FRRS1: variants seen among roughly 807,000 people sequenced by gnomAD.
FRRS1 encodes ferric reductase 1.
FRRS1 carries 51 observed loss-of-function variants against 70.7 expected under a neutral mutation model. The ratio of observed to expected loss-of-function variants is 0.72; its 90% CI spans 0.58 to 0.91. The LOEUF (loss-of-function observed/expected upper bound fraction) is 0.91, where lower values mean the gene tolerates loss of function less well. Among genes scored for constraint, FRRS1 ranks in the 40% least tolerant of loss-of-function variants. The pLI is 0.00. For synonymous variants in FRRS1, 225 were observed against 238.7 expected, an observed-to-expected ratio of 0.94 and a Z score of 0.53; for missense variants, 672 against 726.0, an observed-to-expected ratio of 0.93 and a Z score of 0.86.
intron 1 of FRRS1, among the ~76,000 whole-genome samples, chr1:99,755,354 G>A (rs1656779883): frequency 6.6e-6 from 1 of 151,952 alleles, no homozygotes; most frequent in African/African-American, 2.4e-5. Flanking sequence ...TTGAATCCAA[G>A]AGGTCAAAGC....
chr1:99,764,343 G>A (rs951110973), intron 1 of FRRS1, among the ~76,000 whole-genome samples: 1 of 152,138 alleles, frequency 6.6e-6, no homozygotes, highest in South Asian at 2.1e-4. Flanking sequence ...TTTCAGGATG[G>A]GAAGAGTGGG....
chr1:99,710,719 G>T, intron 15 of FRRS1, 87 bp downstream of exon 15: 1 of 1,151,784 alleles, frequency 8.7e-7, no homozygotes, highest in Middle Eastern at 2.0e-4. Flanking sequence ...CAATGTAGCA[G>T]TCAGCCATTA....
chr1:99,709,488 C>A (rs1212131630), intron 15 of FRRS1, among the ~76,000 whole-genome samples: 1 of 152,168 alleles, frequency 6.6e-6, no homozygotes, highest in Non-Finnish European at 1.5e-5. Context: ...TTCTTCTAGT[C>A]ATTAAACACC....
Position 99,717,502 on chromosome 1 carries a change from T to C in FRRS1, c.1144A>G (p.Met382Val). 1 of 1,613,654 alleles carries C rather than the reference T, an allele frequency of 6.2e-7. No homozygotes were observed. The highest frequency in any genetic ancestry group is 8.5e-7 in the Non-Finnish European group (1 of 1,179,622). Reference protein sequence around the residue: ...VHGALMFVAWMTTVSIGVLVA... With the variant: ...VHGALMFVAWVTTVSIGVLVA... ...AGTACACCTATGCTAACAGTAGTCA[T>C]CCATGCCACAAACATTAAGGCACCT... The change falls in exon 11 of 17, where the codon ATG becomes GTG. Residue 382 changes from methionine (M) to valine (V), a missense_variant. Met to Val is a conservative substitution (Grantham distance 21). Transcript: ENST00000646001.
chr1:99,730,050 A>G (rs1655270661), intron 7 of FRRS1, among the ~76,000 whole-genome samples: 1 of 152,214 alleles, frequency 6.6e-6, no homozygotes, highest in Non-Finnish European at 1.5e-5. Flanking sequence ...TAATATTTTC[A>G]TGTATATTCA....
rs777723865 is a variant in FRRS1, at chr1:99,715,645, T to C, written c.1264A>G (p.Thr422Ala). 5 of 1,613,430 alleles carry C rather than the reference T, an allele frequency of 3.1e-6. No homozygotes were observed. Among genetic ancestry groups the C allele is most frequent in the Non-Finnish European group, 3.4e-6 (4 of 1,179,420 alleles). ...QVHRMLMFTTTVLTCIAFVMP... is the reference protein window; with the variant it reads ...QVHRMLMFTTAVLTCIAFVMP... ...ACAAAAGCAATGCAGGTGAGGACAG[T>C]TGTGGTGAACATGAGCATCCGATGC... The change falls in exon 12 of 17, where the codon ACT becomes GCT. Residue 422 changes from threonine (T) to alanine (A), a missense_variant. By Grantham distance (58) the Thr-to-Ala change is moderately conservative. Transcript: ENST00000646001.
intron 1 of FRRS1, among the ~76,000 whole-genome samples, chr1:99,758,194 T>G (rs1656936778): frequency 6.6e-6 from 1 of 152,270 alleles, no homozygotes. Context: ...CCTGTGGAGA[T>G]ATCTAACCTT....
chr1:99,741,277 A>C (rs1655949061), intron 5 of FRRS1, among the ~76,000 whole-genome samples: 1 of 152,238 alleles, frequency 6.6e-6, no homozygotes, highest in Admixed American at 6.5e-5. Flanking sequence ...TTCAGAGTGC[A>C]GTATTCAATT....
chr1:99,747,663 A>G (rs1461082846), intron 3 of FRRS1: 12 of 445,108 alleles, frequency 2.7e-5, no homozygotes, highest in Non-Finnish European at 4.4e-5. Context: ...AGAGAAAAGA[A>G]AAATAGGTGA....
In FRRS1 at chr1:99,708,654, A is replaced by G. The variant is rs11166305; in HGVS notation, c.*374T>C. 7,631 of 122,330 alleles carry G rather than the reference A, an allele frequency of 0.062. 653 individuals are homozygous for G. The highest frequency in any genetic ancestry group is 0.19 in the African/African-American group (4,629 of 24,192). 7.6% of individuals were successfully genotyped at this position (122,330 alleles called of 1,614,324 possible). A position where few individuals can be genotyped will look rare whatever the true frequency, so the allele number is the denominator to read the frequency against. On this transcript the variant is annotated 3_prime_UTR_variant, in exon 17 of 17. Coordinates refer to ENST00000646001, the MANE Select transcript of FRRS1 (RefSeq NM_001361041.2). ...TATATATATATATATATATATATAT[A>G]TATATATATCGTAATATATCTCTTT...
chr1:99,735,882 G>A (rs546003448), intron 7 of FRRS1, among the ~76,000 whole-genome samples: 45 of 152,292 alleles, frequency 3.0e-4, no homozygotes, highest in African/African-American at 1.1e-3. Flanking sequence ...ACCAGTAAAA[G>A]GAAATGTATC....
At chr1:99,735,666 C>A (rs925873021) in intron 7 of FRRS1, among the ~76,000 whole-genome samples, 2 of 152,082 alleles carry the variant, frequency 1.3e-5, no homozygotes, top group Admixed American at 1.3e-4. Flanking sequence ...CGTAATTAAG[C>A]CTTTTTTGTA....
At chr1:99,713,352 A>G (rs1421528697) in intron 12 of FRRS1, among the ~76,000 whole-genome samples, 2 of 152,248 alleles carry the variant, frequency 1.3e-5, no homozygotes, top group African/African-American at 4.8e-5. Context: ...TGCAAAGGCT[A>G]TAAACTAGAC....
intron 10 of FRRS1, among the ~76,000 whole-genome samples, chr1:99,718,639 T>C (rs1654654159): frequency 6.6e-6 from 1 of 152,120 alleles, no homozygotes; most frequent in South Asian, 2.1e-4. Flanking sequence ...TAGAGCCTTG[T>C]TTTTAGGCTA....
At chr1:99,715,050 CCTCA>C (rs1380080252) in intron 12 of FRRS1, among the ~76,000 whole-genome samples, 1 of 152,006 alleles carries the variant, frequency 6.6e-6, no homozygotes, top group Non-Finnish European at 1.5e-5. Context: ...AGAGATGAGG[CCTCA>C]CTATGTTGCC....
chr1:99,756,239 A>G (rs150015012), intron 1 of FRRS1, among the ~76,000 whole-genome samples: 1 of 152,318 alleles, frequency 6.6e-6, no homozygotes, highest in East Asian at 1.9e-4. Flanking sequence ...AAAACAAAAA[A>G]GATTTATTTT....
chr1:99,758,980 T>C (rs886207044), intron 1 of FRRS1, among the ~76,000 whole-genome samples: 1 of 152,106 alleles, frequency 6.6e-6, no homozygotes, highest in African/African-American at 2.4e-5. Flanking sequence ...CCTGGTAAAT[T>C]TGTGGTCAGA....
At chr1:99,750,577 T>C (rs897998216) in intron 1 of FRRS1, among the ~76,000 whole-genome samples, 7 of 151,610 alleles carry the variant, frequency 4.6e-5, no homozygotes, top group African/African-American at 1.7e-4. Flanking sequence ...AAAAACACTT[T>C]AAAAGAAGTG....
intron 12 of FRRS1, 63 bp downstream of exon 12, chr1:99,715,523 A>G: frequency 2.1e-6 from 2 of 933,280 alleles, no homozygotes; most frequent in Non-Finnish European, 3.5e-6. Context: ...TTGAAAATAA[A>G]ACAGCAATCT....
Sources: allele counts gnomAD v4.1 joint callset (sites outside exome capture counted in the v4.1 genomes callset), GRCh38; gene constraint gnomAD v4.1.1; transcripts MANE v1.5; gene names NCBI Gene and HGNC (gene_info 2026-07-23, HGNC 2026-07-21).